Variants in SOBP observed in about 807,000 individuals in gnomAD.
SOBP encodes sine oculis-binding protein homolog.
SOBP carries 4 observed loss-of-function variants against 53.6 expected under a neutral mutation model. The observed-to-expected ratio is 0.07, with a 90% CI of 0.04 to 0.17. The LOEUF (loss-of-function observed/expected upper bound fraction) is 0.17, where lower values mean the gene tolerates loss of function less well. Ranked by LOEUF, SOBP falls within the 10% of genes least tolerant of loss-of-function variation. SOBP has a pLI of 1.00. For synonymous variants in SOBP, 584 were observed against 522.6 expected (o/e 1.12, Z -1.60); for missense variants, 1,088 against 1,204.7 (o/e 0.90, Z 1.43).
chr6:107,515,369 T>A (rs1783286848), intron 3 of SOBP, among the ~76,000 whole-genome samples: 1 of 152,244 alleles, frequency 6.6e-6, no homozygotes, highest in Non-Finnish European at 1.5e-5. Context: ...TATTTTATGA[T>A]CTCAGCATAA....
chr6:107,555,197 G>GA (rs5878918), intron 4 of SOBP, among the ~76,000 whole-genome samples: 1,980 of 135,702 alleles, frequency 0.015, 13 homozygotes, highest in African/African-American at 0.02. Context: ...GTAAGAGAAT[G>GA]AAAAAAAAAA....
chr6:107,533,115 A>C (rs1313651007), intron 3 of SOBP, among the ~76,000 whole-genome samples: 3 of 148,440 alleles, frequency 2.0e-5, no homozygotes, highest in Admixed American at 6.7e-5. Flanking sequence ...GAAATGGGTT[A>C]TTTTACAAGC....
At chr6:107,517,448 CTT>C (rs928582344) in intron 3 of SOBP, among the ~76,000 whole-genome samples, 4 of 152,082 alleles carry the variant, frequency 2.6e-5, no homozygotes, top group African/African-American at 9.7e-5. Flanking sequence ...TCTGCTGTCT[CTT>C]CTCATAAGGG....
Position 107,634,165 on chromosome 6 carries a change from C to T in SOBP, c.1321C>T (p.Pro441Ser), listed in dbSNP as rs201319446. Residue 441 changes from proline to serine, a missense_variant, in exon 6 of 7, where the codon CCC becomes TCC. Pro to Ser is a moderately conservative substitution (Grantham distance 74, BLOSUM62 -1). Around this residue, in one of 6 missense-constraint regions of SOBP, gnomAD observed 211 missense variants for 258.9 expected, o/e 0.82. Coordinates refer to ENST00000317357, the MANE Select transcript of SOBP (RefSeq NM_018013.4). This position sits in a 1 kb window ranked among gnomAD's most constrained non-coding sequence, Gnocchi z 4.5. ...CGGCATCGGGCCCCCGCCCGGTGGCCCCAGAAACCTGGGCCCCACTTCCAG... is the reference window on the plus strand; with the variant it reads ...CGGCATCGGGCCCCCGCCCGGTGGCTCCAGAAACCTGGGCCCCACTTCCAG... ...LPGIGPPPGG[P>S]RNLGPTSSPM... 2.5e-3 allele frequency: 4,036 copies of T among 1,611,196 alleles called. 9 individuals carry two copies. Among genetic ancestry groups the T allele is most frequent in the Non-Finnish European group, 3.2e-3 (3,750 of 1,179,486 alleles).
At chr6:107,640,760 A>G (rs1414514722) in intron 6 of SOBP, among the ~76,000 whole-genome samples, 1 of 152,180 alleles carries the variant, frequency 6.6e-6, no homozygotes, top group African/African-American at 2.4e-5. Flanking sequence ...CTGTGACTGG[A>G]TATTTATTAC....
Position 107,633,511 on chromosome 6 carries a change from T to C in SOBP, c.670-3T>C, listed in dbSNP as rs1264749224. On this transcript the variant is annotated splice_polypyrimidine_tract_variant and splice_region_variant and intron_variant, in intron 5 of 6. Transcript: ENST00000317357. ...GTTGTGGTTTTTTATTACTGTGTTGTAGGTATGTGACTGGTGTAAGCACAT... is the reference window on the plus strand; with the variant it reads ...GTTGTGGTTTTTTATTACTGTGTTGCAGGTATGTGACTGGTGTAAGCACAT... 2.5e-6 allele frequency: 4 copies of C among 1,614,134 alleles called. No individual in the cohort carries two copies. The African/African-American group carries it at 4.0e-5, about 16-fold the overall frequency.
chr6:107,635,030 G>GCGCCGC lies in SOBP; in HGVS notation c.2192_2197dup (p.Ala731_Ala732dup). On this transcript the variant is annotated inframe_insertion, in exon 6 of 7. Transcript: ENST00000317357. This position sits in a 1 kb window ranked among gnomAD's most constrained non-coding sequence, Gnocchi z 4.5. ...AACGTCATCGTGAACGGCACGCGCGGCGCCGCCGCCGAGGGCGCTAAGAGC... is the reference window on the plus strand; with the variant it reads ...AACGTCATCGTGAACGGCACGCGCGGCGCCGCCGCCGCCGCCGAGGGCGCTAAGAGC... The GCGCCGC allele has an allele frequency of 1.6e-6, 2 of 1,238,660 alleles. No homozygotes were observed. The highest frequency in any genetic ancestry group is 2.0e-6 in the Non-Finnish European group (2 of 990,480). 76.7% of individuals were successfully genotyped at this position (1,238,660 alleles called of 1,614,324 possible).
intron 4 of SOBP, among the ~76,000 whole-genome samples, chr6:107,576,567 C>A (rs1212604546): frequency 6.6e-6 from 1 of 152,168 alleles, no homozygotes; most frequent in Non-Finnish European, 1.5e-5. Flanking sequence ...TCCAGCCAGG[C>A]CGAGTACACA....
chr6:107,559,901 A>G (rs527960966), intron 4 of SOBP, among the ~76,000 whole-genome samples: 2 of 152,254 alleles, frequency 1.3e-5, no homozygotes, highest in South Asian at 4.1e-4. Flanking sequence ...TGCAATAGAA[A>G]TGTCAGTTTC....
intron 6 of SOBP, among the ~76,000 whole-genome samples, chr6:107,640,339 G>A (rs766683812): frequency 3.9e-5 from 6 of 152,218 alleles, no homozygotes; most frequent in East Asian, 1.9e-4. Flanking sequence ...GGATGTGCTC[G>A]GATCCTGTGT....
intron 6 of SOBP, among the ~76,000 whole-genome samples, chr6:107,641,647 C>T (rs967213485): frequency 1.3e-5 from 2 of 152,174 alleles, no homozygotes; most frequent in Non-Finnish European, 2.9e-5. Flanking sequence ...ATTAACCAGC[C>T]GTTGCCCAGG....
rs746404273 is a variant in SOBP at position 107,565,297 on chromosome 6, G to A, written c.574-21783G>A. Among the ~76,000 whole-genome samples, 85 of 152,176 alleles carry A rather than the reference G, an allele frequency of 5.6e-4. 1 individual carries two copies. The highest frequency in any genetic ancestry group is 5.2e-4 in the Admixed American group (8 of 15,284). ...CAGAGTCTCTGCTGAGTCCCATTGA[G>A]TTCTTCTGTCTCCATCTGCCGTAGA... On this transcript the variant is annotated intron_variant, in intron 4 of 6. Coordinates refer to ENST00000317357, the MANE Select transcript of SOBP (RefSeq NM_018013.4).
rs181644146 is a variant in SOBP at position 107,620,071 on chromosome 6, T to C, written c.670-13443T>C. 1.6e-3 allele frequency among the ~76,000 whole-genome samples: 241 copies of C among 152,330 alleles called. 2 individuals are homozygous for C. Among genetic ancestry groups the C allele is most frequent in the African/African-American group, 5.7e-3 (236 of 41,578 alleles). On this transcript the variant is annotated intron_variant, in intron 5 of 6. Transcript: ENST00000317357. ...CCCAGGGAAATCAGAAAGGTGGGAA[T>C]AGCCATTGCCACTCATCCCTGTGGT...
intron 5 of SOBP, among the ~76,000 whole-genome samples, chr6:107,600,061 T>C (rs953891498): frequency 2.6e-5 from 4 of 152,252 alleles, no homozygotes; most frequent in Admixed American, 6.5e-5. Flanking sequence ...CCTATTATGG[T>C]AAGAAAACAT....
intron 5 of SOBP, among the ~76,000 whole-genome samples, chr6:107,599,840 A>C (rs905919683): frequency 5.3e-5 from 8 of 152,202 alleles, no homozygotes; most frequent in Non-Finnish European, 8.8e-5. Context: ...TCTGGCTTAG[A>C]TGTCTGGAAT....
intron 3 of SOBP, among the ~76,000 whole-genome samples, chr6:107,512,672 G>A (rs1783205002): frequency 2.6e-5 from 4 of 152,208 alleles, no homozygotes; most frequent in Admixed American, 2.6e-4. Flanking sequence ...TTGAGACTCA[G>A]ACCAGGACTT....
intron 5 of SOBP, among the ~76,000 whole-genome samples, chr6:107,607,895 G>A (rs907074066): frequency 1.2e-4 from 19 of 152,148 alleles, no homozygotes; most frequent in Admixed American, 9.2e-4. Context: ...GCCTCTTTAC[G>A]GGGCCAGCTC....
intron 6 of SOBP, among the ~76,000 whole-genome samples, chr6:107,644,625 G>A (rs2115168510): frequency 6.6e-6 from 1 of 152,262 alleles, no homozygotes; most frequent in Admixed American, 6.5e-5. Context: ...ACTCTTTTAT[G>A]GCTGGCAAAA....
intron 3 of SOBP, among the ~76,000 whole-genome samples, chr6:107,517,671 A>G (rs1783359650): frequency 6.6e-6 from 1 of 152,212 alleles, no homozygotes; most frequent in Non-Finnish European, 1.5e-5. Flanking sequence ...ATGTTTATGG[A>G]AAAAATGTAT....
Sources: gnomAD v4.1 joint callset for allele counts (sites outside exome capture counted in the v4.1 genomes callset) on GRCh38, gnomAD v4.1.1 for gene constraint, gnomAD v4.1.1 regional missense constraint, Gnocchi (gnomAD v3.1) non-coding constraint, MANE v1.5 for transcripts, NCBI Gene and HGNC (gene_info 2026-07-23, HGNC 2026-07-21) for gene names.